Variants in BRCA2 observed in about 807,000 individuals in gnomAD.
BRCA2 encodes breast cancer type 2 susceptibility protein.
In BRCA2, 203 loss-of-function variants were observed where a neutral mutation model predicts 276.7. The ratio of observed to expected loss-of-function variants is 0.73; its 90% confidence interval spans 0.65 to 0.82. The LOEUF is 0.82. Ranked by LOEUF, BRCA2 falls within the 40% of genes least tolerant of loss-of-function variation. BRCA2 has a pLI of 0.00. For synonymous variants in BRCA2, 1,289 were observed against 1,338.4 expected (o/e 0.96, Z 0.81); for missense variants, 3,920 against 3,915.0 (o/e 1.00, Z -0.03).
chr13:32,342,225 A>G lies in BRCA2; in HGVS notation c.6841+1029A>G, dbSNP rs150018865. Among the ~76,000 whole-genome samples, 966 of 151,316 alleles carry G rather than the reference A, an allele frequency of 6.4e-3. 7 individuals are homozygous for G. Among genetic ancestry groups the G allele is most frequent in the African/African-American group, 0.023 (932 of 41,168 alleles). ...GAGGTGGAGGGTGCAGTGAGCTGAC[A>G]TCACACCACTGCTCTCCAGCCTGGG... On this transcript the variant is annotated intron_variant, in intron 11 of 26. Transcript: ENST00000380152.
intron 1 of BRCA2, 78 bp downstream of exon 1, chr13:32,315,745 G>T (rs2072250398): frequency 6.5e-6 from 1 of 153,292 alleles, no homozygotes; most frequent in African/African-American, 2.4e-5. Flanking sequence ...AGCGCCTCAC[G>T]CCCCGGGTCG....
rs1555285170 is a variant in BRCA2 at position 32,344,668 on chromosome 13, T to C, written c.6937+15T>C. Reference sequence around the variant, plus strand: ...CACTCCAGATGGTAAAATTAGCTTTTTATTTATATCTGTTCTCCCTCTATA... The same window carrying C: ...CACTCCAGATGGTAAAATTAGCTTTCTATTTATATCTGTTCTCCCTCTATA... On this transcript the variant is annotated intron_variant, in intron 12 of 26. Coordinates refer to ENST00000380152, the MANE Select transcript of BRCA2 (RefSeq NM_000059.4). 1 of 1,503,060 alleles carries C rather than the reference T, an allele frequency of 6.7e-7. No homozygotes were observed. Among genetic ancestry groups the C allele is most frequent in the Admixed American group, 1.7e-5 (1 of 59,652 alleles). The allele number at this position is 1,503,060 out of a possible 1,614,324, so 93.1% of individuals were successfully genotyped here. A position where few individuals can be genotyped will look rare whatever the true frequency, so the allele number is the denominator to read the frequency against.
rs80359055 is a variant in BRCA2 at position 32,363,319 on chromosome 13, A to G, written c.8117A>G (p.Asn2706Ser). 3.1e-5 allele frequency: 50 copies of G among 1,614,228 alleles called. 1 individual carries two copies. The Middle Eastern group carries it at 9.9e-4, about 32-fold the overall frequency. ...LSANISETSS[N>S]KTSSADTQKV... ...GCAAATATATCTGAAACTTCTAGCA[A>G]TAAAACTAGTAGTGCAGATACCCAA... is the stretch of plus-strand genomic sequence containing the variant. The change falls in exon 18 of 27, where the codon AAT (asparagine) becomes AGT (serine). Residue 2706 changes from asparagine (N) to serine (S), a missense_variant. Physicochemically the swap from Asn to Ser is conservative, Grantham distance 46 (BLOSUM62 1). Coordinates refer to ENST00000380152, the MANE Select transcript of BRCA2 (RefSeq NM_000059.4).
chr13:32,341,661 T>A (rs2072571296), intron 11 of BRCA2, among the ~76,000 whole-genome samples: 1 of 151,792 alleles, frequency 6.6e-6, no homozygotes, highest in Admixed American at 6.6e-5. Context: ...GGTCAGGAGA[T>A]CGAGACCATC....
At position 32,399,525 on chromosome 13, in the gene BRCA2, G is replaced by A. The variant is rs1278259523; in HGVS notation, c.*755G>A. ...ACTCTAATTCCTTTTTACTATTCCA[G>A]TGTGATCTCTGAAATTAAATTACTT... On this transcript the variant is annotated 3_prime_UTR_variant, in exon 27 of 27. Transcript: ENST00000380152. 1 of 182,360 alleles carries A rather than the reference G, an allele frequency of 5.5e-6. No individual in the cohort carries two copies. The highest frequency in any genetic ancestry group is 1.2e-5 in the Non-Finnish European group (1 of 85,678). 11.3% of individuals were successfully genotyped at this position (182,360 alleles called of 1,614,324 possible).
rs1060502377 is a variant in BRCA2, at chr13:32,340,240, T to C, written c.5885T>C (p.Ile1962Thr). The C allele has an allele frequency of 2.5e-6, 4 of 1,613,876 alleles. No homozygotes were observed. The highest frequency in any genetic ancestry group is 3.4e-6 in the Non-Finnish European group (4 of 1,179,912). The change falls in exon 11 of 27, where the codon ATA (isoleucine) becomes ACA (threonine). Residue 1962 changes from isoleucine to threonine, a missense_variant. Physicochemically the swap from Ile to Thr is moderately conservative, Grantham distance 89. Transcript: ENST00000380152. ...LETSDICKCS[I>T]GKLHKSVSSA... is the part of the protein sequence containing the mutation. ...ACTTCAGATATATGTAAATGTAGTATAGGGAAGCTTCATAAGTCAGTCTCA... is the reference window on the plus strand; with the variant it reads ...ACTTCAGATATATGTAAATGTAGTACAGGGAAGCTTCATAAGTCAGTCTCA...
In BRCA2 at chr13:32,355,042, ATTAC is replaced by A; in HGVS notation, c.7191_7194del (p.Thr2398GlnfsTer68). ...AAGAAATGAAAAAATGAGACACTTG[ATTAC>A]TACAGGCAGACCAACCAAAGTCTTT... On this transcript the variant is annotated frameshift_variant, in exon 14 of 27. Coordinates refer to ENST00000380152, the MANE Select transcript of BRCA2 (RefSeq NM_000059.4). LOFTEE classifies it high-confidence loss of function. The A allele has an allele frequency of 6.2e-7, 1 of 1,614,052 alleles. No individual in the cohort carries two copies. Among genetic ancestry groups the A allele is most frequent in the Non-Finnish European group, 8.5e-7 (1 of 1,179,958 alleles).
chr13:32,376,492 A>T (rs980530216), intron 20 of BRCA2, among the ~76,000 whole-genome samples, 178 bp from the exon 21 acceptor site: 1 of 151,646 alleles, frequency 6.6e-6, no homozygotes, highest in African/African-American at 2.4e-5. Flanking sequence ...CTGCACTCCC[A>T]GATTGGGTGA....
chr13:32,376,660 G>A lies in BRCA2; in HGVS notation c.8633-10G>A. On this transcript the variant is annotated splice_polypyrimidine_tract_variant and intron_variant, in intron 20 of 26. Coordinates refer to ENST00000380152, the MANE Select transcript of BRCA2 (RefSeq NM_000059.4). The stretch of plus-strand genomic sequence containing the variant: ...AGTTTAGTGAATTAATAATCCTTTT[G>A]TTTTCTTAGAAAACACAACAAAACC... 1.2e-6 allele frequency: 2 copies of A among 1,613,274 alleles called. No individual in the cohort carries two copies. Among genetic ancestry groups the A allele is most frequent in the East Asian group, 4.5e-5 (2 of 44,858 alleles).
At chr13:32,344,528 TA>T (rs1246325138) in intron 11 of BRCA2, 29 bp from the exon 12 acceptor site, 1 of 1,411,830 alleles carries the variant, frequency 7.1e-7, no homozygotes, top group African/African-American at 1.4e-5. Context: ...TTATTTGCCT[TA>T]AAAACATATA....
At chr13:32,329,513 T>C in intron 8 of BRCA2, 21 bp downstream of exon 8, 1 of 1,563,370 alleles carries the variant, frequency 6.4e-7, no homozygotes, top group Non-Finnish European at 8.8e-7. Context: ...ATGACATTGA[T>C]TAGACTGTTG....
rs431825324 is a variant in BRCA2, at chr13:32,339,330, T to G, written c.4975T>G (p.Ser1659Ala). The G allele has an allele frequency of 1.3e-6, 2 of 1,592,396 alleles. No homozygotes were observed. The highest frequency in any genetic ancestry group is 8.5e-7 in the Non-Finnish European group (1 of 1,171,576). The change falls in exon 11 of 27, where the codon TCC becomes GCC. Residue 1659 changes from serine to alanine, a missense_variant. Transcript: ENST00000380152. ...TCCTGCAACTTGTTACACAAATCAGTCCCCTTATTCAGTCATTGAAAATTC... is the reference window on the plus strand; with the variant it reads ...TCCTGCAACTTGTTACACAAATCAGGCCCCTTATTCAGTCATTGAAAATTC... ...KSPATCYTNQ[S>A]PYSVIENSAL... is the part of the protein sequence containing the mutation.
At position 32,340,748 on chromosome 13, in the gene BRCA2, A is replaced by T. The variant is rs765669556; in HGVS notation, c.6393A>T (p.Lys2131Asn). Reference protein sequence around the residue: ...EMEKTCSKEFKLSNNLNVEGG... With the variant: ...EMEKTCSKEFNLSNNLNVEGG... The stretch of plus-strand genomic sequence containing the variant: ...AAAAAACCTGCAGTAAAGAATTTAA[A>T]TTATCAAATAACTTAAATGTTGAAG... Residue 2131 changes from lysine to asparagine, a missense_variant, in exon 11 of 27, where the codon AAA (lysine) becomes AAT (asparagine). Physicochemically the swap from Lys to Asn is moderately conservative, Grantham distance 94. Coordinates refer to ENST00000380152, the MANE Select transcript of BRCA2 (RefSeq NM_000059.4). 1.2e-6 allele frequency: 2 copies of T among 1,605,660 alleles called. No homozygotes were observed. Among genetic ancestry groups the T allele is most frequent in the South Asian group, 2.2e-5 (2 of 89,074 alleles).
At chr13:32,341,741 G>A (rs1170499946) in intron 11 of BRCA2, among the ~76,000 whole-genome samples, 3 of 151,066 alleles carry the variant, frequency 2.0e-5, no homozygotes, top group South Asian at 2.1e-4. Context: ...AGTGGCGGGC[G>A]CCTGTAGTCC....
rs876659445 is a variant in BRCA2 at position 32,362,697 on chromosome 13, A to G, written c.7976+4A>G. On this transcript the variant is annotated splice_donor_region_variant and intron_variant, in intron 17 of 26. Coordinates refer to ENST00000380152, the MANE Select transcript of BRCA2 (RefSeq NM_000059.4). ...TGCTTCTTCAACTAAAATACAGGCA[A>G]GTTTAAAGCATTACATTACGTAATC... 6.2e-7 allele frequency: 1 copy of G among 1,614,038 alleles called. No individual in the cohort carries two copies. Among genetic ancestry groups the G allele is most frequent in the Non-Finnish European group, 8.5e-7 (1 of 1,179,936 alleles).
At position 32,339,091 on chromosome 13, in the gene BRCA2, C is replaced by T. The variant is rs1555283920; in HGVS notation, c.4736C>T (p.Ala1579Val). 6.2e-7 allele frequency: 1 copy of T among 1,613,904 alleles called. No individual in the cohort carries two copies. The highest frequency in any genetic ancestry group is 8.5e-7 in the Non-Finnish European group (1 of 1,179,852). Residue 1579 changes from alanine to valine, a missense_variant, in exon 11 of 27, where the codon GCA becomes GTA. This residue lies in a region of BRCA2 where 3,263 missense variants were observed against 3,156.9 expected (regional missense o/e 1.03). Coordinates refer to ENST00000380152, the MANE Select transcript of BRCA2 (RefSeq NM_000059.4). ...YREACKDLELACETIEITAAP... is the reference protein window; with the variant it reads ...YREACKDLELVCETIEITAAP... ...GAGGCCTGTAAAGACCTTGAATTAG[C>T]ATGTGAGACCATTGAGATCACAGCT...
chr13:32,338,025 G>T lies in BRCA2; in HGVS notation c.3670G>T (p.Gly1224Cys), dbSNP rs2137498845. 1 of 1,612,306 alleles carries T rather than the reference G, an allele frequency of 6.2e-7. No homozygotes were observed. Among genetic ancestry groups the T allele is most frequent in the Non-Finnish European group, 8.5e-7 (1 of 1,179,072 alleles). ...GTTTAGGGGCTTTTATTCTGCTCAT[G>T]GCACAAAACTGAATGTTTCTACTGA... ...VGFRGFYSAH[G>C]TKLNVSTEAL... Residue 1224 changes from glycine (G) to cysteine (C), a missense_variant, in exon 11 of 27, where the codon GGC (glycine) becomes TGC (cysteine). Gly to Cys is a radical substitution (Grantham distance 159). This residue lies in a region of BRCA2 where 3,263 missense variants were observed against 3,156.9 expected (regional missense o/e 1.03). Transcript: ENST00000380152.
Position 32,326,602 on chromosome 13 carries a change from C to T in BRCA2, c.620C>T (p.Thr207Ile), listed in dbSNP as rs41293471. The T allele has an allele frequency of 2.4e-5, 38 of 1,602,668 alleles. No homozygotes were observed. The highest frequency in any genetic ancestry group is 3.2e-5 in the Non-Finnish European group (38 of 1,169,684). ...SLATPPTLSS[T>I]VLIVRNEEAS... ...GCTACACCACCCACCCTTAGTTCTA[C>T]TGTGCTCATAGGTAATAATAGCAAA... The change falls in exon 7 of 27, where the codon ACT becomes ATT. Residue 207 changes from threonine to isoleucine, a missense_variant. Thr to Ile is a moderately conservative substitution (Grantham distance 89). Transcript: ENST00000380152.
rs587781610 is a variant in BRCA2, at chr13:32,340,834, A to G, written c.6479A>G (p.Gln2160Arg). The part of the protein sequence containing the change: ...KVSPYLSQFQ[Q>R]DKQQLVLGTK... Reference sequence around the variant, plus strand: ...TCTCCATATCTCTCTCAATTTCAACAAGACAAACAACAGTTGGTATTAGGA... The same window carrying G: ...TCTCCATATCTCTCTCAATTTCAACGAGACAAACAACAGTTGGTATTAGGA... The change falls in exon 11 of 27, where the codon CAA (glutamine) becomes CGA (arginine). Residue 2160 changes from glutamine (Q) to arginine (R), a missense_variant. This residue lies in a region of BRCA2 where 3,263 missense variants were observed against 3,156.9 expected (regional missense o/e 1.03). Transcript: ENST00000380152. 6.3e-7 allele frequency: 1 copy of G among 1,590,568 alleles called. No individual in the cohort carries two copies. The highest frequency in any genetic ancestry group is 8.5e-7 in the Non-Finnish European group (1 of 1,172,502).
Sources: gnomAD v4.1 joint callset for allele counts (sites outside exome capture counted in the v4.1 genomes callset) on GRCh38, gnomAD v4.1.1 for gene constraint, gnomAD v4.1.1 regional missense constraint, MANE v1.5 for transcripts, NCBI Gene and HGNC (gene_info 2026-07-23, HGNC 2026-07-21) for gene names.